Variants in VWA8 observed in about 807,000 individuals in gnomAD.
VWA8 encodes von Willebrand factor A domain containing 8, also known as von Willebrand factor A domain-containing protein 8.
In VWA8, 221 loss-of-function variants were observed where a neutral mutation model predicts 241.5. That is an observed-to-expected ratio of 0.91 (90% CI 0.82 to 1.02). The LOEUF is 1.02. Ranked by LOEUF, VWA8 falls within the 50% of genes least tolerant of loss-of-function variation. The pLI is 0.00. For missense variants in VWA8, 2,322 were observed against 2,328.7 expected (o/e 1.00, Z 0.06); for synonymous variants, 852 against 827.1 (o/e 1.03, Z -0.52).
intron 1 of VWA8, among the ~76,000 whole-genome samples, chr13:41,956,613 T>G (rs925651956): frequency 2.6e-5 from 4 of 152,224 alleles, no homozygotes; most frequent in African/African-American, 7.2e-5. Context: ...TCTTTCCTCT[T>G]TACACTGTAT....
At chr13:41,677,412 T>G (rs1165852939) in intron 35 of VWA8, among the ~76,000 whole-genome samples, 1 of 152,184 alleles carries the variant, frequency 6.6e-6, no homozygotes, top group African/African-American at 2.4e-5. Context: ...AGAGAGTGCT[T>G]CTGATACTGA....
At position 41,883,403 on chromosome 13, in the gene VWA8, A is replaced by G. The variant is rs1874359119; in HGVS notation, c.1064T>C (p.Val355Ala). The change falls in exon 9 of 45, where the codon GTG (valine) becomes GCG (alanine). Residue 355 changes from valine to alanine, a missense_variant. Val to Ala is a moderately conservative substitution (Grantham distance 64, BLOSUM62 0). Coordinates refer to ENST00000379310, the MANE Select transcript of VWA8 (RefSeq NM_015058.2). ...GACACTCACCTTTAAAACACCTTCCACAGCCATCTTCCCTTCATGACCTAG... is the reference window on the plus strand; with the variant it reads ...GACACTCACCTTTAAAACACCTTCCGCAGCCATCTTCCCTTCATGACCTAG... ...ILLGHEGKMA[V>A]EGVLKRFELQ... is the part of the protein sequence containing the mutation. The G allele has an allele frequency of 6.2e-7, 1 of 1,612,530 alleles. No individual in the cohort carries two copies. The highest frequency in any genetic ancestry group is 1.7e-5 in the Admixed American group (1 of 59,992).
intron 37 of VWA8, among the ~76,000 whole-genome samples, chr13:41,652,981 T>C (rs2044878934): frequency 6.6e-6 from 1 of 152,204 alleles, no homozygotes; most frequent in African/African-American, 2.4e-5. Flanking sequence ...GTGGAAATAA[T>C]AATTCCAGTC....
intron 40 of VWA8, among the ~76,000 whole-genome samples, chr13:41,592,478 AT>A (rs1386386152): frequency 2.9e-4 from 21 of 71,420 alleles, no homozygotes; most frequent in African/African-American, 4.6e-4. Context: ...AATAAAAAAA[AT>A]AAAATAAAAT....
At position 41,587,575 on chromosome 13, in the gene VWA8, C is replaced by T. The variant is rs61752295; in HGVS notation, c.5208G>A (p.Glu1736=). Reference sequence around the variant, plus strand: ...CCATACACACAGCCTCCATTGTGCGCTCAAGCCGGCCATCCATCCTGTTGA... The same window carrying T: ...CCATACACACAGCCTCCATTGTGCGTTCAAGCCGGCCATCCATCCTGTTGA... ...YRFNRMDGRL[E]RTMEAVCMVM... The change falls in exon 42 of 45, where the codon GAG becomes GAA. Residue 1736 remains glutamate (E), a synonymous_variant. Coordinates refer to ENST00000379310, the MANE Select transcript of VWA8 (RefSeq NM_015058.2). 1.4e-4 allele frequency: 221 copies of T among 1,614,084 alleles called. No homozygotes were observed. The highest frequency in any genetic ancestry group is 1.8e-4 in the Non-Finnish European group (211 of 1,180,050).
intron 30 of VWA8, among the ~76,000 whole-genome samples, chr13:41,692,530 T>G (rs1179193265): frequency 1.3e-5 from 2 of 152,038 alleles, no homozygotes; most frequent in Non-Finnish European, 2.9e-5. Context: ...AAAACATAAC[T>G]ACATAACTGG....
chr13:41,777,980 C>A lies in VWA8; in HGVS notation c.2349+5G>T, dbSNP rs1177066515. 1.9e-6 allele frequency: 3 copies of A among 1,607,260 alleles called. No homozygotes were observed. Among genetic ancestry groups the A allele is most frequent in the Non-Finnish European group, 8.5e-7 (1 of 1,177,584 alleles). On this transcript the variant is annotated splice_donor_5th_base_variant and intron_variant, in intron 20 of 44. Transcript: ENST00000379310. Reference sequence around the variant, plus strand: ...ATTGGTACCTAGATTTTAGCCATAACTCACCTGGTTGCCAACCAATAATAA... The same window carrying A: ...ATTGGTACCTAGATTTTAGCCATAAATCACCTGGTTGCCAACCAATAATAA...
intron 3 of VWA8, 94 bp downstream of exon 3, chr13:41,911,944 T>G: frequency 7.8e-7 from 1 of 1,276,536 alleles, no homozygotes; most frequent in Non-Finnish European, 1.0e-6. Context: ...AAATAATGAC[T>G]AATTCTGATA....
At chr13:41,628,635 G>A (rs1193720405) in intron 37 of VWA8, among the ~76,000 whole-genome samples, 1 of 152,142 alleles carries the variant, frequency 6.6e-6, no homozygotes, top group African/African-American at 2.4e-5. Flanking sequence ...GCAGCAACAT[G>A]AATGCAGCTA....
chr13:41,658,017 G>T (rs921900360), intron 37 of VWA8, among the ~76,000 whole-genome samples: 3 of 152,220 alleles, frequency 2.0e-5, no homozygotes, highest in Admixed American at 6.5e-5. Context: ...GTTAAACAAA[G>T]TTAAAGAGGT....
Position 41,912,113 on chromosome 13 carries a change from C to G in VWA8, c.297G>C (p.Lys99Asn). The G allele has an allele frequency of 6.2e-7, 1 of 1,610,362 alleles. No individual in the cohort carries two copies. The highest frequency in any genetic ancestry group is 2.2e-5 in the East Asian group (1 of 44,766). Residue 99 changes from lysine (K) to asparagine (N), a missense_variant, in exon 3 of 45, where the codon AAG becomes AAC. Coordinates refer to ENST00000379310, the MANE Select transcript of VWA8 (RefSeq NM_015058.2). ...GAAAAACATCTTGCCCCAAAAGATC[C>G]TTCTGCATTATCCATCTTAGATGCT... is the stretch of plus-strand genomic sequence containing the variant. ...VVQHLRWIMQ[K>N]DLLGQDVFLI...
At chr13:41,596,551 A>T (rs535485616) in intron 40 of VWA8, among the ~76,000 whole-genome samples, 3 of 152,222 alleles carry the variant, frequency 2.0e-5, no homozygotes, top group African/African-American at 7.2e-5. Flanking sequence ...TGCATGAAGT[A>T]AAGTATCCCT....
intron 24 of VWA8, among the ~76,000 whole-genome samples, chr13:41,723,668 AAATG>A (rs2137852578): frequency 6.6e-6 from 1 of 152,324 alleles, no homozygotes; most frequent in Admixed American, 6.5e-5. Flanking sequence ...GAGAAACAAA[AAATG>A]AATTTGGAGT....
intron 44 of VWA8, among the ~76,000 whole-genome samples, chr13:41,569,840 TTCTC>T (rs1365926558): frequency 2.0e-5 from 3 of 152,196 alleles, no homozygotes; most frequent in African/African-American, 7.2e-5. Context: ...GATCATAAGA[TTCTC>T]TATTGAATAT....
chr13:41,772,083 T>C (rs1347847393), intron 20 of VWA8, among the ~76,000 whole-genome samples: 1 of 151,386 alleles, frequency 6.6e-6, no homozygotes, highest in Non-Finnish European at 1.5e-5. Context: ...AGAGACAGGG[T>C]TTCTCCATGT....
Position 41,961,073 on chromosome 13 carries a change from T to C in VWA8, c.-58A>G, listed in dbSNP as rs559504781. On this transcript the variant is annotated 5_prime_UTR_variant, in exon 1 of 45. Coordinates refer to ENST00000379310, the MANE Select transcript of VWA8 (RefSeq NM_015058.2). Reference sequence around the variant, plus strand: ...GGCTCGGGGATCGAGCGGCGTCCCGTGCAGGCACCGTGAGGCAGCGCGGAG... The same window carrying C: ...GGCTCGGGGATCGAGCGGCGTCCCGCGCAGGCACCGTGAGGCAGCGCGGAG... 6 of 1,334,672 alleles carry C rather than the reference T, an allele frequency of 4.5e-6. No individual in the cohort carries two copies. The highest frequency in any genetic ancestry group is 3.1e-5 in the East Asian group (1 of 32,012). The allele number at this position is 1,334,672 out of a possible 1,614,324, so 82.7% of individuals were successfully genotyped here.
intron 4 of VWA8, among the ~76,000 whole-genome samples, chr13:41,902,998 A>G (rs1440938082): frequency 6.6e-6 from 1 of 152,246 alleles, no homozygotes; most frequent in Non-Finnish European, 1.5e-5. Context: ...ATCACCTAAC[A>G]GTGAATAAAA....
chr13:41,906,661 A>G (rs1391978693), intron 4 of VWA8, among the ~76,000 whole-genome samples: 1 of 152,174 alleles, frequency 6.6e-6, no homozygotes, highest in African/African-American at 2.4e-5. Context: ...ACATCCTTGT[A>G]CATATAACTT....
chr13:41,749,195 G>A (rs986476133), intron 21 of VWA8, among the ~76,000 whole-genome samples: 5 of 152,024 alleles, frequency 3.3e-5, no homozygotes, highest in African/African-American at 1.2e-4. Flanking sequence ...ATGGGCAAAG[G>A]ATATGAACAG....
Sources: allele counts gnomAD v4.1 joint callset (sites outside exome capture counted in the v4.1 genomes callset), GRCh38; gene constraint gnomAD v4.1.1; transcripts MANE v1.5; gene names NCBI Gene and HGNC (gene_info 2026-07-23, HGNC 2026-07-21).